PPA1: variants seen among roughly 807,000 people sequenced by gnomAD.
PPA1 encodes the protein inorganic pyrophosphatase 1.
A neutral mutation model predicts 41.8 loss-of-function variants in PPA1; 23 were observed. That is an observed-to-expected ratio of 0.55 (90% CI 0.40 to 0.78). The LOEUF (loss-of-function observed/expected upper bound fraction) is 0.78, where lower values mean the gene tolerates loss of function less well. PPA1 is among the 30% of genes least tolerant of loss of function. The pLI is 0.00. For missense variants in PPA1, 320 were observed against 361.6 expected (o/e 0.89, Z 0.93); for synonymous variants, 101 against 116.8 (o/e 0.86, Z 0.87).
intron 2 of PPA1, among the ~76,000 whole-genome samples, chr10:70,226,751 G>A (rs7086158): frequency 0.88 from 133,184 of 151,908 alleles, 58,490 homozygotes; most frequent in East Asian, 1. Flanking sequence ...AATTTTGAGC[G>A]TGGAAACTTC....
intron 4 of PPA1, among the ~76,000 whole-genome samples, chr10:70,217,259 A>C (rs541025859): frequency 6.6e-6 from 1 of 152,234 alleles, no homozygotes; most frequent in South Asian, 2.1e-4. Context: ...AAGAAGAGGG[A>C]ATCAAAACTC....
chr10:70,225,725 A>T (rs1840223212), intron 2 of PPA1, among the ~76,000 whole-genome samples: 1 of 152,018 alleles, frequency 6.6e-6, no homozygotes, highest in African/African-American at 2.4e-5. Context: ...CGTAGTTAAA[A>T]GAAAATGTTC....
chr10:70,223,162 C>T (rs1393220408), intron 2 of PPA1, among the ~76,000 whole-genome samples: 1 of 151,868 alleles, frequency 6.6e-6, no homozygotes. Flanking sequence ...GCCAAGAGTT[C>T]AAGACCAACC....
intron 2 of PPA1, among the ~76,000 whole-genome samples, chr10:70,228,957 T>C (rs1446850163): frequency 6.6e-6 from 1 of 152,234 alleles, no homozygotes; most frequent in Non-Finnish European, 1.5e-5. Context: ...GTGTTGTATA[T>C]TGACATCTAG....
chr10:70,220,474 ATATATAATTTTTATATATAT>A (rs1840126811), intron 2 of PPA1, among the ~76,000 whole-genome samples: 1 of 115,490 alleles, frequency 8.7e-6, no homozygotes, highest in South Asian at 2.3e-4. Flanking sequence ...ATGTGCATAT[ATATATAATTTTTATATATAT>A]TATATAATTT....
intron 4 of PPA1, among the ~76,000 whole-genome samples, chr10:70,216,310 A>G (rs1840080269): frequency 6.6e-6 from 1 of 152,028 alleles, no homozygotes; most frequent in African/African-American, 2.4e-5. Context: ...ATACAGTGAA[A>G]CCCTGTCTCT....
At position 70,204,925 on chromosome 10, in the gene PPA1, A is replaced by T; in HGVS notation, c.796-10T>A. The T allele has an allele frequency of 1.9e-6, 3 of 1,572,116 alleles. No individual in the cohort carries two copies. Among genetic ancestry groups the T allele is most frequent in the Non-Finnish European group, 2.6e-6 (3 of 1,150,336 alleles). On this transcript the variant is annotated splice_polypyrimidine_tract_variant and intron_variant, in intron 9 of 10. Transcript: ENST00000373232. ...CACAGGGTGGTGGTAACTAAAATATAAAATATTAAAATCTATTAGTCTAAT... is the reference window on the plus strand; with the variant it reads ...CACAGGGTGGTGGTAACTAAAATATTAAATATTAAAATCTATTAGTCTAAT...
chr10:70,222,405 G>A (rs1840183611), intron 2 of PPA1, among the ~76,000 whole-genome samples: 1 of 149,814 alleles, frequency 6.7e-6, no homozygotes, highest in Non-Finnish European at 1.5e-5. Flanking sequence ...GCAAAAGCCA[G>A]AGTCAATTCA....
Position 70,203,160 on chromosome 10 carries a change from T to C in PPA1, c.865A>G (p.Asn289Asp). ...TGTATTCCAGAGAAATCTCATTAGT[T>C]TTTCTGGTGATGGAACCACTTATCC... The part of the protein sequence containing the change: ...DVDKWFHHQK[N>D] Residue 289 changes from asparagine to aspartate, a missense_variant, in exon 11 of 11, where the codon AAC becomes GAC. Transcript: ENST00000373232. 6.2e-7 allele frequency: 1 copy of C among 1,608,928 alleles called. No individual in the cohort carries two copies. The highest frequency in any genetic ancestry group is 8.5e-7 in the Non-Finnish European group (1 of 1,176,408).
intron 2 of PPA1, among the ~76,000 whole-genome samples, chr10:70,220,395 G>A (rs2136762132): frequency 7.1e-6 from 1 of 141,482 alleles, no homozygotes; most frequent in Non-Finnish European, 1.5e-5. Flanking sequence ...TGGAGCTACA[G>A]ATGCATGCCA....
intron 8 of PPA1, among the ~76,000 whole-genome samples, chr10:70,207,694 T>C (rs1839961831): frequency 6.6e-6 from 1 of 152,114 alleles, no homozygotes; most frequent in Non-Finnish European, 1.5e-5. Flanking sequence ...AGGAAATGCT[T>C]ATTACATAGT....
chr10:70,216,649 A>C (rs1001720575), intron 4 of PPA1, among the ~76,000 whole-genome samples: 1 of 152,208 alleles, frequency 6.6e-6, no homozygotes. Flanking sequence ...TTCATTGTTA[A>C]TAAAAACAAA....
intron 8 of PPA1, 23 bp from the exon 9 acceptor site, chr10:70,206,356 T>A (rs745501212): frequency 6.4e-7 from 1 of 1,565,734 alleles, no homozygotes; most frequent in South Asian, 1.1e-5. Context: ...ACAAAAGTAG[T>A]CATAAGACAA....
At chr10:70,221,076 A>ATATATATATATT (rs1224550178) in intron 2 of PPA1, among the ~76,000 whole-genome samples, 1 of 40,050 alleles carries the variant, frequency 2.5e-5, no homozygotes, top group Admixed American at 4.4e-4. Flanking sequence ...ATATATATAT[A>ATATATATATATT]TTTTTTTTTT....
At chr10:70,221,634 G>C (rs1340125990) in intron 2 of PPA1, among the ~76,000 whole-genome samples, 1 of 152,064 alleles carries the variant, frequency 6.6e-6, no homozygotes, top group Non-Finnish European at 1.5e-5. Flanking sequence ...GTGTAAAAAC[G>C]AGAGATCTGT....
chr10:70,213,545 T>C lies in PPA1; in HGVS notation c.429A>G (p.Ile143Met). The C allele has an allele frequency of 6.2e-7, 1 of 1,614,020 alleles. No homozygotes were observed. Among genetic ancestry groups the C allele is most frequent in the Non-Finnish European group, 8.5e-7 (1 of 1,179,926 alleles). Residue 143 changes from isoleucine to methionine, a missense_variant, in exon 6 of 11, where the codon ATA (isoleucine) becomes ATG (methionine). Transcript: ENST00000373232. ...GEIIGVKVLG[I>M]LAMIDEGETD... ...TTTCCCCTTCGTCAATCATAGCCAATATGCCTAGAACTTTCACGCCAATTA... is the reference window on the plus strand; with the variant it reads ...TTTCCCCTTCGTCAATCATAGCCAACATGCCTAGAACTTTCACGCCAATTA...
At chr10:70,220,998 TATATAAC>T (rs1327831258) in intron 2 of PPA1, among the ~76,000 whole-genome samples, 7 of 58,558 alleles carry the variant, frequency 1.2e-4, no homozygotes, top group African/African-American at 4.6e-4. Context: ...ATAATTTATA[TATATAAC>T]ATATATATAA....
chr10:70,217,139 C>T (rs865875952), intron 4 of PPA1, among the ~76,000 whole-genome samples: 2 of 144,218 alleles, frequency 1.4e-5, no homozygotes, highest in Non-Finnish European at 3.0e-5. Context: ...GCCCGGGTGA[C>T]AAAGCAAGAC....
chr10:70,209,665 G>A lies in PPA1; in HGVS notation c.532C>T (p.Leu178=). Residue 178 remains leucine, a synonymous_variant, in exon 7 of 11, where the codon CTG becomes TTG. Coordinates refer to ENST00000373232, the MANE Select transcript of PPA1 (RefSeq NM_021129.4). ...GTAGCTTCTAAGTAGCCAGGTTTCA[G>A]CCGTTTGACATCATTGATATCTAAG... is the stretch of plus-strand genomic sequence containing the variant. ...NYNDINDVKR[L]KPGYLEATVD... 1 of 1,601,712 alleles carries A rather than the reference G, an allele frequency of 6.2e-7. No homozygotes were observed. Among genetic ancestry groups the A allele is most frequent in the Non-Finnish European group, 8.5e-7 (1 of 1,171,864 alleles).
Sources: gnomAD v4.1 joint callset for allele counts (sites outside exome capture counted in the v4.1 genomes callset) on GRCh38, gnomAD v4.1.1 for gene constraint, MANE v1.5 for transcripts, NCBI Gene and HGNC (gene_info 2026-07-23, HGNC 2026-07-21) for gene names.